The following RFTN2 variants were observed in gnomAD, a reference collection of about 807,000 sequenced individuals.
RFTN2 encodes the protein raftlin-2.
A neutral mutation model predicts 52.7 loss-of-function variants in RFTN2; 34 were observed. That is an observed-to-expected ratio of 0.64 (90% CI 0.49 to 0.86). The LOEUF (loss-of-function observed/expected upper bound fraction) is 0.86, where lower values mean the gene tolerates loss of function less well. Among genes scored for constraint, RFTN2 ranks in the 40% least tolerant of loss-of-function variants. The pLI, the probability that RFTN2 is intolerant of heterozygous loss-of-function variation, is 0.00. For synonymous variants in RFTN2, 203 were observed against 217.7 expected (o/e 0.93, Z 0.59); for missense variants, 536 against 600.1 (o/e 0.89, Z 1.12).
intron 1 of RFTN2, among the ~76,000 whole-genome samples, chr2:197,654,225 A>G (rs931176001): frequency 6.6e-6 from 1 of 152,006 alleles, no homozygotes; most frequent in Non-Finnish European, 1.5e-5. Context: ...GTCTCTACAG[A>G]AAATTTAAAT....
intron 3 of RFTN2, 132 bp downstream of exon 3, chr2:197,644,026 G>A (rs189123721): frequency 1.0e-4 from 67 of 654,760 alleles, no homozygotes; most frequent in African/African-American, 8.6e-4. Context: ...CAAGTACTTC[G>A]ATATGTTTTA....
chr2:197,675,263 A>G, intron 1 of RFTN2, 57 bp downstream of exon 1: 1 of 1,364,184 alleles, frequency 7.3e-7, no homozygotes, highest in Non-Finnish European at 9.8e-7. Flanking sequence ...ACACTTAAAA[A>G]TGACTAGTAG....
chr2:197,651,543 C>T lies in RFTN2; in HGVS notation c.140-4877G>A, dbSNP rs113400345. Among the ~76,000 whole-genome samples, 19 of 152,164 alleles carry T rather than the reference C, an allele frequency of 1.2e-4. 3 individuals carry two copies. Among genetic ancestry groups the T allele is most frequent in the African/African-American group, 3.1e-4 (13 of 41,522 alleles). ...CTGAGGCAGGAGAATCGCTTGAACC[C>T]GGAAGGCGGAGGTTGAAGTGAGCTA... On this transcript the variant is annotated intron_variant, in intron 1 of 8. Transcript: ENST00000295049.
chr2:197,636,192 T>G (rs919533628), intron 3 of RFTN2, among the ~76,000 whole-genome samples: 5 of 151,824 alleles, frequency 3.3e-5, no homozygotes, highest in Admixed American at 6.6e-5. Context: ...AGCTTTGTTC[T>G]TTTGGCTTAG....
chr2:197,656,023 T>C (rs905698514), intron 1 of RFTN2, among the ~76,000 whole-genome samples: 1 of 152,088 alleles, frequency 6.6e-6, no homozygotes, highest in African/African-American at 2.4e-5. Flanking sequence ...GGGCGTACTA[T>C]TAATATATTT....
intron 1 of RFTN2, among the ~76,000 whole-genome samples, chr2:197,663,565 G>A (rs2089008110): frequency 6.6e-6 from 1 of 152,146 alleles, no homozygotes; most frequent in African/African-American, 2.4e-5. Context: ...TAGGTTGTAT[G>A]TGTGCAGGAA....
At chr2:197,619,748 A>T (rs915898931) in intron 5 of RFTN2, among the ~76,000 whole-genome samples, 7 of 144,690 alleles carry the variant, frequency 4.8e-5, no homozygotes, top group African/African-American at 1.9e-4. Flanking sequence ...ATTAAAAAAA[A>T]AAAATAATAA....
chr2:197,595,187 A>G (rs1310057498), intron 8 of RFTN2, among the ~76,000 whole-genome samples: 1 of 152,254 alleles, frequency 6.6e-6, no homozygotes, highest in African/African-American at 2.4e-5. Flanking sequence ...AGTAGATAAC[A>G]TAAAAGAAAA....
intron 4 of RFTN2, among the ~76,000 whole-genome samples, chr2:197,632,685 G>A (rs190318547): frequency 1.3e-5 from 2 of 152,282 alleles, no homozygotes; most frequent in East Asian, 3.9e-4. Flanking sequence ...GAGGAGGGTG[G>A]TGGTGATGAT....
chr2:197,650,277 A>G (rs1270118589), intron 1 of RFTN2, among the ~76,000 whole-genome samples: 2 of 152,068 alleles, frequency 1.3e-5, no homozygotes, highest in East Asian at 3.8e-4. Context: ...ACAACTCCCC[A>G]TTACTTCCTG....
chr2:197,616,268 C>CATTTTATTTTATTTT lies in RFTN2; in HGVS notation c.1051-304_1051-290dup, dbSNP rs60073189. On this transcript the variant is annotated intron_variant, in intron 6 of 8. Transcript: ENST00000295049. ...ATGGGGTTGGGGAGCTGGGAATCTG[C>CATTTTATTTTATTTT]ATTTTATTTTATTTTATTTTATTTT... is the stretch of plus-strand genomic sequence containing the variant. 3.4e-3 allele frequency among the ~76,000 whole-genome samples: 205 copies of CATTTTATTTTATTTT among 60,816 alleles called. 7 individuals are homozygous for CATTTTATTTTATTTT. Among genetic ancestry groups the CATTTTATTTTATTTT allele is most frequent in the African/African-American group, 5.6e-3 (70 of 12,506 alleles). The allele number at this position is 60,816 out of a possible 152,430, so 39.9% of individuals were successfully genotyped here.
rs2087293499 is a variant in RFTN2 at position 197,570,128 on chromosome 2, A to G, written c.*1880T>C. On this transcript the variant is annotated 3_prime_UTR_variant, in exon 9 of 9. Transcript: ENST00000295049. Reference sequence around the variant, plus strand: ...TTCTGATTTGTTCTTTGTGCTTCCTAACTTCATTACGTTTTATGGACTCCT... The same window carrying G: ...TTCTGATTTGTTCTTTGTGCTTCCTGACTTCATTACGTTTTATGGACTCCT... 1 of 152,092 alleles carries G rather than the reference A, an allele frequency of 6.6e-6. No individual in the cohort carries two copies. The highest frequency in any genetic ancestry group is 6.6e-5 in the Admixed American group (1 of 15,258). The allele number at this position is 152,092 out of a possible 1,614,324, so 9.4% of individuals were successfully genotyped here. A position where few individuals can be genotyped will look rare whatever the true frequency, so the allele number is the denominator to read the frequency against.
At chr2:197,621,194 A>G (rs2088257982) in intron 5 of RFTN2, among the ~76,000 whole-genome samples, 1 of 151,222 alleles carries the variant, frequency 6.6e-6, no homozygotes, top group Admixed American at 6.7e-5. Flanking sequence ...GTTCCCTTTT[A>G]GAGGTATGTG....
At chr2:197,590,023 C>T (rs2087676011) in intron 8 of RFTN2, among the ~76,000 whole-genome samples, 1 of 151,854 alleles carries the variant, frequency 6.6e-6, no homozygotes, top group Admixed American at 6.6e-5. Flanking sequence ...CCCCCCACCC[C>T]CACTCCCCCA....
chr2:197,574,404 T>C (rs2087377932), intron 8 of RFTN2, among the ~76,000 whole-genome samples: 1 of 152,206 alleles, frequency 6.6e-6, no homozygotes, highest in South Asian at 2.1e-4. Context: ...CCCATCATTT[T>C]GGCCAGTTTC....
chr2:197,617,263 A>G (rs2088160085), intron 6 of RFTN2, among the ~76,000 whole-genome samples: 1 of 152,212 alleles, frequency 6.6e-6, no homozygotes, highest in African/African-American at 2.4e-5. Flanking sequence ...TTTTTGGCTT[A>G]AAATTTTTGG....
intron 3 of RFTN2, among the ~76,000 whole-genome samples, chr2:197,637,919 A>T (rs2106241342): frequency 6.6e-6 from 1 of 151,528 alleles, no homozygotes; most frequent in Non-Finnish European, 1.5e-5. Flanking sequence ...AATGCATCCC[A>T]GAGATTCTGG....
At chr2:197,640,139 C>G (rs2088638650) in intron 3 of RFTN2, among the ~76,000 whole-genome samples, 1 of 152,240 alleles carries the variant, frequency 6.6e-6, no homozygotes, top group Non-Finnish European at 1.5e-5. Context: ...CTGCTCTCTT[C>G]AAAGCTGTCA....
chr2:197,603,330 T>G lies in RFTN2; in HGVS notation c.1155-7261A>C, dbSNP rs1235086403. The stretch of plus-strand genomic sequence containing the variant: ...GGGTAAAGATAGGTACATTTGTCGA[T>G]TTTAAAATTAAAACCTTTTGTTAAT... On this transcript the variant is annotated intron_variant, in intron 7 of 8. Transcript: ENST00000295049. 4.6e-5 allele frequency among the ~76,000 whole-genome samples: 7 copies of G among 152,344 alleles called. No individual in the cohort carries two copies. The South Asian group carries it at 6.2e-4, about 14-fold the overall frequency.
Sources: gnomAD v4.1 joint callset for allele counts (sites outside exome capture counted in the v4.1 genomes callset) on GRCh38, gnomAD v4.1.1 for gene constraint, MANE v1.5 for transcripts, NCBI Gene and HGNC (gene_info 2026-07-23, HGNC 2026-07-21) for gene names.